The following GRB14 variants were observed in gnomAD, a reference collection of about 807,000 sequenced individuals.
GRB14 encodes the protein growth factor receptor-bound protein 14.
In GRB14, 38 loss-of-function variants were observed where a neutral mutation model predicts 69.1. The observed-to-expected ratio is 0.55, with a 90% CI of 0.42 to 0.72. The LOEUF (loss-of-function observed/expected upper bound fraction) is 0.72. GRB14 is among the 30% of genes least tolerant of loss of function. The pLI, the probability that GRB14 is intolerant of heterozygous loss-of-function variation, is 0.00. For missense variants in GRB14, 666 were observed against 666.1 expected, an observed-to-expected ratio of 1.00 and a Z score of 0.00; for synonymous variants, 247 against 241.3, an observed-to-expected ratio of 1.02 and a Z score of -0.22.
At chr2:164,535,301 AAAGAAAAAAG>A (rs1022301085) in intron 3 of GRB14, among the ~76,000 whole-genome samples, 29 of 152,316 alleles carry the variant, frequency 1.9e-4, no homozygotes, top group African/African-American at 6.5e-4. Context: ...AAGAAAAAGA[AAAGAAAAAAG>A]AAGAAGAAAG....
chr2:164,497,166 AT>A, intron 11 of GRB14, 44 bp downstream of exon 11: 1 of 1,598,788 alleles, frequency 6.3e-7, no homozygotes, highest in Non-Finnish European at 8.6e-7. Flanking sequence ...TGTCCTTTCC[AT>A]GTCTATCCGT....
At chr2:164,578,520 G>GCA (rs1285949117) in intron 2 of GRB14, among the ~76,000 whole-genome samples, 2 of 81,182 alleles carry the variant, frequency 2.5e-5, no homozygotes, top group Admixed American at 1.3e-4. Flanking sequence ...GACAATTCGC[G>GCA]CGCACACACA....
At chr2:164,583,153 T>C (rs6721995) in intron 2 of GRB14, among the ~76,000 whole-genome samples, 152,269 of 152,382 alleles carry the variant, frequency 1, 76,078 homozygotes, top group Middle Eastern at 1. Flanking sequence ...TTCATTCTAA[T>C]TTAACCCTGT....
intron 6 of GRB14, among the ~76,000 whole-genome samples, chr2:164,512,734 G>A (rs549091218): frequency 6.6e-6 from 1 of 152,330 alleles, no homozygotes; most frequent in South Asian, 2.1e-4. Context: ...ATGAGGGAAA[G>A]AAGGAAGCTA....
intron 3 of GRB14, among the ~76,000 whole-genome samples, chr2:164,530,240 G>A (rs565291454): frequency 7.9e-4 from 120 of 152,122 alleles, no homozygotes; most frequent in African/African-American, 2.5e-3. Flanking sequence ...CGTGTCACAC[G>A]GCAAGAGACA....
At chr2:164,524,980 TA>T in intron 5 of GRB14, 23 bp downstream of exon 5, 1 of 1,330,128 alleles carries the variant, frequency 7.5e-7, no homozygotes, top group Non-Finnish European at 1.1e-6. Flanking sequence ...ATTATTTATA[TA>T]TGTTAATAAA....
chr2:164,589,153 A>T (rs1429591341), intron 2 of GRB14, among the ~76,000 whole-genome samples: 2 of 152,212 alleles, frequency 1.3e-5, no homozygotes, highest in Admixed American at 1.3e-4. Flanking sequence ...AAAAGTTAAA[A>T]TATAAGATTA....
At chr2:164,528,290 T>C (rs886323233) in intron 3 of GRB14, among the ~76,000 whole-genome samples, 1 of 152,068 alleles carries the variant, frequency 6.6e-6, no homozygotes, top group Admixed American at 6.5e-5. Context: ...ACACTTTTCT[T>C]AATGTATGCC....
At position 164,579,034 on chromosome 2, in the gene GRB14, A is replaced by T. The variant is rs77683349; in HGVS notation, c.325-31218T>A. Among the ~76,000 whole-genome samples, 5 of 151,502 alleles carry T rather than the reference A, an allele frequency of 3.3e-5. No homozygotes were observed. In the East Asian group the frequency reaches 5.8e-4, roughly 18 times the overall value. On this transcript the variant is annotated intron_variant, in intron 2 of 13. Transcript: ENST00000263915. ...ACTGTTAAAACACAGTGTCCAATTT[A>T]AAAAAAAACAAATTATACAATATTA... is the stretch of plus-strand genomic sequence containing the variant.
chr2:164,524,936 A>C, intron 5 of GRB14, 68 bp downstream of exon 5: 1 of 845,464 alleles, frequency 1.2e-6, no homozygotes, highest in Non-Finnish European at 1.8e-6. Context: ...GGGCATGTAT[A>C]AAAAAGGACT....
intron 1 of GRB14, among the ~76,000 whole-genome samples, 177 bp downstream of exon 1, chr2:164,620,942 G>A (rs1325967655): frequency 6.6e-6 from 1 of 152,206 alleles, no homozygotes; most frequent in Non-Finnish European, 1.5e-5. Context: ...ATAAGGCGCT[G>A]TGAGATCGCA....
At chr2:164,596,342 T>C (rs1440604739) in intron 2 of GRB14, among the ~76,000 whole-genome samples, 2 of 152,216 alleles carry the variant, frequency 1.3e-5, no homozygotes, top group East Asian at 3.8e-4. Context: ...GGTTGTTTTG[T>C]CTTTTGAAAT....
At chr2:164,597,185 C>T (rs922970003) in intron 2 of GRB14, among the ~76,000 whole-genome samples, 2 of 152,138 alleles carry the variant, frequency 1.3e-5, no homozygotes, top group Admixed American at 6.5e-5. Flanking sequence ...AGAAAATCAA[C>T]AGCAAAATTT....
At chr2:164,601,843 T>C (rs1689920856) in intron 2 of GRB14, among the ~76,000 whole-genome samples, 1 of 152,168 alleles carries the variant, frequency 6.6e-6, no homozygotes, top group Admixed American at 6.5e-5. Context: ...GAACTGTTTT[T>C]CCCAAAGAAG....
intron 2 of GRB14, among the ~76,000 whole-genome samples, chr2:164,550,729 A>G (rs1042662966): frequency 5.3e-5 from 8 of 152,128 alleles, no homozygotes; most frequent in African/African-American, 1.7e-4. Flanking sequence ...CCAACAATAA[A>G]AAAAAAAATG....
chr2:164,572,857 A>G (rs1482330975), intron 2 of GRB14, among the ~76,000 whole-genome samples: 2 of 152,190 alleles, frequency 1.3e-5, no homozygotes, highest in Non-Finnish European at 2.9e-5. Flanking sequence ...ATCAAGTCCT[A>G]CAAATACTTT....
chr2:164,501,537 G>A (rs184609323), intron 9 of GRB14, among the ~76,000 whole-genome samples: 3 of 152,196 alleles, frequency 2.0e-5, no homozygotes, highest in Admixed American at 2.0e-4. Flanking sequence ...CATTTCTTAT[G>A]TTAATGCACA....
In GRB14 at chr2:164,544,180, C is replaced by T. The variant is rs779340587; in HGVS notation, c.481+3480G>A. ...GAAAATACAGTAATAAAGAAATAAACTTCTATTGCTACTTGATGCCTAAAA... is the reference window on the plus strand; with the variant it reads ...GAAAATACAGTAATAAAGAAATAAATTTCTATTGCTACTTGATGCCTAAAA... On this transcript the variant is annotated intron_variant, in intron 3 of 13. Coordinates refer to ENST00000263915, the MANE Select transcript of GRB14 (RefSeq NM_004490.3). Among the ~76,000 whole-genome samples, 130 of 152,244 alleles carry T rather than the reference C, an allele frequency of 8.5e-4. 1 individual carries two copies. Among genetic ancestry groups the T allele is most frequent in the African/African-American group, 3.0e-3 (126 of 41,546 alleles).
intron 3 of GRB14, among the ~76,000 whole-genome samples, chr2:164,527,878 A>G (rs1687822471): frequency 6.6e-6 from 1 of 152,014 alleles, no homozygotes; most frequent in African/African-American, 2.4e-5. Context: ...TTTATAAGAA[A>G]CTGTGAGGAT....
Sources: gnomAD v4.1 joint callset for allele counts (sites outside exome capture counted in the v4.1 genomes callset) on GRCh38, gnomAD v4.1.1 for gene constraint, MANE v1.5 for transcripts, NCBI Gene and HGNC (gene_info 2026-07-23, HGNC 2026-07-21) for gene names.